Variants in CTPS2 observed in about 807,000 individuals in gnomAD.
CTPS2 encodes CTP synthase 2.
A neutral mutation model predicts 46.8 loss-of-function variants in CTPS2; 19 were observed. That is an observed-to-expected ratio of 0.41 (90% CI 0.28 to 0.60). The LOEUF is 0.60. Ranked by LOEUF, CTPS2 falls within the 20% of genes least tolerant of loss-of-function variation. The probability of loss-of-function intolerance (pLI) is 0.35; values close to 1 mark genes in which losing one functional copy is unlikely to be tolerated. For missense variants in CTPS2, 286 were observed against 447.6 expected, an observed-to-expected ratio of 0.64 and a Z score of 3.26; for synonymous variants, 151 against 165.2, an observed-to-expected ratio of 0.91 and a Z score of 0.66.
rs780971074 is a variant in CTPS2 at position 16,590,735 on chromosome X, C to T, written c.*41+17G>A. The T allele has an allele frequency of 3.9e-4, 342 of 886,969 alleles. No homozygotes were observed. The highest frequency in any genetic ancestry group is 5.4e-4 in the Non-Finnish European group (330 of 607,203). 73.1% of individuals were successfully genotyped at this position (886,969 alleles called of 1,213,427 possible). On this transcript the variant is annotated intron_variant, in intron 18 of 18. Coordinates refer to ENST00000359276, the MANE Select transcript of CTPS2 (RefSeq NM_175859.3). ...GTCCATGAGAGAAATGAACAATCCT[C>T]GAAGATTCCATCTTACCCTCACAGG...
intron 13 of CTPS2, among the ~76,000 whole-genome samples, chrX:16,657,169 C>T (rs1411401003): frequency 6.6e-5 from 7 of 106,113 alleles, no homozygotes; most frequent in Non-Finnish European, 1.4e-4. Context: ...GGATTACAGG[C>T]ATGAGCCACC....
At position 16,639,050 on chromosome X, in the gene CTPS2, G is replaced by T. The variant is rs1402143929; in HGVS notation, c.1393+97C>A. ...TCAGGGCCCTCCGAGGATGCTGGAAGGGGCAGGGGGAGTCTCCACCACCCA... is the reference window on the plus strand; with the variant it reads ...TCAGGGCCCTCCGAGGATGCTGGAATGGGCAGGGGGAGTCTCCACCACCCA... On this transcript the variant is annotated intron_variant, in intron 14 of 18. Transcript: ENST00000359276. The T allele has an allele frequency of 7.9e-6, 5 of 635,171 alleles. 1 individual carries two copies. Among genetic ancestry groups the T allele is most frequent in the Non-Finnish European group, 1.3e-5 (5 of 378,584 alleles). 52.3% of individuals were successfully genotyped at this position (635,171 alleles called of 1,213,427 possible).
At chrX:16,657,445 T>G (rs781360131) in intron 13 of CTPS2, among the ~76,000 whole-genome samples, 25 of 109,952 alleles carry the variant, frequency 2.3e-4, no homozygotes, top group African/African-American at 8.3e-4. Flanking sequence ...GTGACCAAAG[T>G]GAACTGGGCA....
intron 17 of CTPS2, among the ~76,000 whole-genome samples, chrX:16,599,450 CTTTTCT>C (rs1220183189): frequency 1.9e-5 from 2 of 103,476 alleles, no homozygotes; most frequent in African/African-American, 3.6e-5. Context: ...ACATGTAGTT[CTTTTCT>C]TTTTCTTTTT....
chrX:16,684,288 C>T (rs867957998), intron 8 of CTPS2, among the ~76,000 whole-genome samples: 9 of 110,720 alleles, frequency 8.1e-5, no homozygotes, highest in Middle Eastern at 9.3e-3. Flanking sequence ...GCAGGTGGAT[C>T]ACCTGAGGTC....
Position 16,617,225 on chromosome X carries a change from G to A in CTPS2, c.1471C>T (p.Gln491Ter). 8.3e-7 allele frequency: 1 copy of A among 1,207,919 alleles called. No homozygotes were observed. The highest frequency in any genetic ancestry group is 1.1e-6 in the Non-Finnish European group (1 of 892,637). The change falls in exon 16 of 19, where the codon CAA becomes TAA. Residue 491 changes from glutamine (Q) to a stop codon, truncating the protein, a stop_gained. Coordinates refer to ENST00000359276, the MANE Select transcript of CTPS2 (RefSeq NM_175859.3). LOFTEE classifies it high-confidence loss of function. The stretch of plus-strand genomic sequence containing the variant: ...AAACTTAAGTCATTCTGCTCAAATT[G>A]TTTGATCAGGTTAGGGTTTACCTGC... The part of the protein sequence containing the change: ...RFEVNPNLIK[Q>*]FEQNDLSFVG...
At chrX:16,665,344 T>C (rs1451416820) in intron 13 of CTPS2, among the ~76,000 whole-genome samples, 1 of 112,568 alleles carries the variant, frequency 8.9e-6, no homozygotes, top group Non-Finnish European at 1.9e-5. Context: ...ACAGCAGCGT[T>C]AGTCACAATG....
At chrX:16,646,887 A>G (rs1419865540) in intron 13 of CTPS2, among the ~76,000 whole-genome samples, 3 of 112,056 alleles carry the variant, frequency 2.7e-5, no homozygotes, top group Non-Finnish European at 5.6e-5. Context: ...ACAATTGAAC[A>G]GTGAGGTGAT....
At chrX:16,666,099 C>G (rs1360900388) in intron 13 of CTPS2, among the ~76,000 whole-genome samples, 1 of 112,123 alleles carries the variant, frequency 8.9e-6, no homozygotes, top group Non-Finnish European at 1.9e-5. Context: ...TGAATTGTAT[C>G]TCAATAAAGC....
At chrX:16,661,993 C>CATATATATACATATATATATATAT (rs1555967609) in intron 13 of CTPS2, among the ~76,000 whole-genome samples, 2 of 85,347 alleles carry the variant, frequency 2.3e-5, no homozygotes, top group Admixed American at 1.3e-4. Context: ...ATTGTTCATT[C>CATATATATACATATATATATATAT]ATATATATAT....
At chrX:16,630,900 A>G (rs912806491) in intron 14 of CTPS2, among the ~76,000 whole-genome samples, 1 of 113,039 alleles carries the variant, frequency 8.8e-6, no homozygotes, top group African/African-American at 3.2e-5. Flanking sequence ...ATTCACTCAC[A>G]TATTTGTCTG....
At chrX:16,662,871 C>T (rs1216303477) in intron 13 of CTPS2, among the ~76,000 whole-genome samples, 1 of 111,158 alleles carries the variant, frequency 9.0e-6, no homozygotes, top group African/African-American at 3.3e-5. Context: ...ATGCACACAT[C>T]CTCTGACTTA....
chrX:16,609,616 G>A lies in CTPS2; in HGVS notation c.1616C>T (p.Pro539Leu), dbSNP rs1930162195. The A allele has an allele frequency of 8.3e-7, 1 of 1,210,516 alleles. No homozygotes were observed. The highest frequency in any genetic ancestry group is 1.1e-6 in the Non-Finnish European group (1 of 894,431). Residue 539 changes from proline (P) to leucine (L), a missense_variant, in exon 17 of 19, where the codon CCG becomes CTG. Coordinates refer to ENST00000359276, the MANE Select transcript of CTPS2 (RefSeq NM_175859.3). ...TGCTGCAAGTAACAGCCCCAGATAC[G>A]GAGGGGAAGGCTTCATCGGCCTAGA... is the stretch of plus-strand genomic sequence containing the variant. ...FSSRPMKPSP[P>L]YLGLLLAATG... is the part of the protein sequence containing the mutation.
At position 16,693,061 on chromosome X, in the gene CTPS2, T is replaced by C. The variant is rs1168711730; in HGVS notation, c.639+80A>G. 4 of 552,683 alleles carry C rather than the reference T, an allele frequency of 7.2e-6. No homozygotes were observed. The East Asian group carries it at 1.4e-4, about 20-fold the overall frequency. The allele number at this position is 552,683 out of a possible 1,213,427, so 45.5% of individuals were successfully genotyped here. Reference sequence around the variant, plus strand: ...GACAGAGCAAGACTCCGTCTCAAATTAAAAAAAAAAAAAAAAAAGAAGTGA... The same window carrying C: ...GACAGAGCAAGACTCCGTCTCAAATCAAAAAAAAAAAAAAAAAAGAAGTGA... On this transcript the variant is annotated intron_variant, in intron 6 of 18. Coordinates refer to ENST00000359276, the MANE Select transcript of CTPS2 (RefSeq NM_175859.3).
chrX:16,663,636 C>T (rs1933040866), intron 13 of CTPS2, among the ~76,000 whole-genome samples: 1 of 110,530 alleles, frequency 9.0e-6, no homozygotes, highest in Non-Finnish European at 1.9e-5. Context: ...CTGTAGTGCG[C>T]TATGATCACA....
At chrX:16,684,185 G>A (rs1922964779) in intron 8 of CTPS2, among the ~76,000 whole-genome samples, 2 of 111,249 alleles carry the variant, frequency 1.8e-5, no homozygotes, top group South Asian at 7.6e-4. Flanking sequence ...ATGTTACCAT[G>A]ATGACGAATA....
chrX:16,708,195 C>T (rs1239887938), intron 1 of CTPS2, among the ~76,000 whole-genome samples: 2 of 111,960 alleles, frequency 1.8e-5, no homozygotes, highest in Non-Finnish European at 1.9e-5. Context: ...CCTCTGCTTA[C>T]CTTTCAAAAC....
At chrX:16,691,504 C>G in intron 7 of CTPS2, 36 bp downstream of exon 7, 10 of 1,106,570 alleles carry the variant, frequency 9.0e-6, no homozygotes, top group Non-Finnish European at 1.2e-5. Flanking sequence ...AGCAGAAGTG[C>G]CTGCCAGACA....
intron 8 of CTPS2, among the ~76,000 whole-genome samples, chrX:16,685,596 T>G (rs4831051): frequency 9.3e-6 from 1 of 107,510 alleles, no homozygotes; most frequent in Non-Finnish European, 1.9e-5. Context: ...TGGTGGCTCA[T>G]GCCTGTAATC....
Sources: allele counts gnomAD v4.1 joint callset (sites outside exome capture counted in the v4.1 genomes callset), GRCh38; gene constraint gnomAD v4.1.1; transcripts MANE v1.5; gene names NCBI Gene and HGNC (gene_info 2026-07-23, HGNC 2026-07-21).